Variants in ADGRD1 observed in about 807,000 individuals in gnomAD.
ADGRD1 encodes G-protein coupled receptor 133.
In ADGRD1, 77 loss-of-function variants were observed where a neutral mutation model predicts 113.4. The ratio of observed to expected loss-of-function variants is 0.68; its 90% CI spans 0.57 to 0.82. ADGRD1 has a LOEUF of 0.82. Ranked by LOEUF, ADGRD1 falls within the 40% of genes least tolerant of loss-of-function variation. ADGRD1 has a pLI of 0.00. For synonymous variants in ADGRD1, 474 were observed against 475.0 expected (o/e 1.00, Z 0.03); for missense variants, 1,036 against 1,139.1 (o/e 0.91, Z 1.30).
intron 13 of ADGRD1, among the ~76,000 whole-genome samples, chr12:131,046,062 C>A (rs1317797245): frequency 2.1e-5 from 3 of 145,342 alleles, no homozygotes; most frequent in Non-Finnish European, 4.5e-5. Flanking sequence ...TCTCCCAGGT[C>A]AGTGTCCTTC....
intron 13 of ADGRD1, among the ~76,000 whole-genome samples, chr12:131,063,026 T>G (rs1884458734): frequency 6.6e-6 from 1 of 152,228 alleles, no homozygotes; most frequent in Admixed American, 6.5e-5. Context: ...CATCTGGATA[T>G]TCTCGTCAAT....
At chr12:131,044,669 G>A (rs763693951) in intron 13 of ADGRD1, among the ~76,000 whole-genome samples, 4 of 152,018 alleles carry the variant, frequency 2.6e-5, no homozygotes, top group Admixed American at 1.3e-4. Context: ...TCCCTCCCAC[G>A]GCTGTCCTTC....
chr12:131,076,429 C>G (rs891402636), intron 13 of ADGRD1, among the ~76,000 whole-genome samples: 2 of 152,118 alleles, frequency 1.3e-5, no homozygotes, highest in African/African-American at 4.8e-5. Flanking sequence ...TGAGGAGCTC[C>G]TCCTGCAGAG....
chr12:131,001,862 T>C (rs1876433354), intron 9 of ADGRD1, among the ~76,000 whole-genome samples: 1 of 152,234 alleles, frequency 6.6e-6, no homozygotes, highest in Admixed American at 6.5e-5. Flanking sequence ...GCCCTGATAA[T>C]ATTTGAAAAT....
At chr12:131,039,679 C>T (rs1241492486) in intron 13 of ADGRD1, among the ~76,000 whole-genome samples, 9 of 152,200 alleles carry the variant, frequency 5.9e-5, no homozygotes, top group East Asian at 1.9e-4. Context: ...AACCCTGGGG[C>T]GCCTTGGCTG....
intron 20 of ADGRD1, among the ~76,000 whole-genome samples, chr12:131,124,385 G>A (rs554578656): frequency 1.3e-5 from 2 of 152,338 alleles, no homozygotes; most frequent in East Asian, 3.9e-4. Context: ...GGAGAGGTTT[G>A]GGTTTGGGGA....
intron 6 of ADGRD1, chr12:130,988,477 C>T (rs1220162493): frequency 2.0e-5 from 3 of 152,204 alleles, no homozygotes; most frequent in Admixed American, 1.3e-4. Flanking sequence ...GCCCTCGTTC[C>T]GCTTCTGACG....
Position 131,027,313 on chromosome 12 carries a change from T to C in ADGRD1, c.1473+12973T>C, listed in dbSNP as rs1336801069. 3 of 152,210 alleles carry C rather than the reference T, an allele frequency of 2.0e-5. No homozygotes were observed. Among genetic ancestry groups the C allele is most frequent in the Admixed American group, 6.5e-5 (1 of 15,280 alleles). 9.4% of individuals were successfully genotyped at this position (152,210 alleles called of 1,614,324 possible). ...CGGGGCTTCTCTAGGTGTGTGTGTG[T>C]GTGCACACAATTTTATATAAATGGG... On this transcript the variant is annotated intron_variant, in intron 13 of 24. Transcript: ENST00000261654. The surrounding 1 kb of genome is among the most constrained non-coding windows in gnomAD (Gnocchi z 5.1).
chr12:131,138,531 C>G (rs2136119554), intron 24 of ADGRD1, among the ~76,000 whole-genome samples: 1 of 152,328 alleles, frequency 6.6e-6, no homozygotes, highest in African/African-American at 2.4e-5. Context: ...CCCCGCCGCC[C>G]TCCAGAGCCC....
rs1880048904 is a variant in ADGRD1 at position 131,027,056 on chromosome 12, T to C, written c.1473+12716T>C. 1 of 152,310 alleles carries C rather than the reference T, an allele frequency of 6.6e-6. No individual in the cohort carries two copies. The highest frequency in any genetic ancestry group is 1.5e-5 in the Non-Finnish European group (1 of 68,032). The allele number at this position is 152,310 out of a possible 1,614,324, so 9.4% of individuals were successfully genotyped here. A position where few individuals can be genotyped will look rare whatever the true frequency, so the allele number is the denominator to read the frequency against. On this transcript the variant is annotated intron_variant, in intron 13 of 24. Coordinates refer to ENST00000261654, the MANE Select transcript of ADGRD1 (RefSeq NM_198827.5). The surrounding 1 kb of genome is among the most constrained non-coding windows in gnomAD (Gnocchi z 5.1). ...TAGGGATTGTGGCACACAGCTGTTA[T>C]TTCTCTAGGATTTGCTGTGAATGAG...
At chr12:131,119,142 C>T (rs1027265313) in intron 19 of ADGRD1, among the ~76,000 whole-genome samples, 6 of 152,182 alleles carry the variant, frequency 3.9e-5, no homozygotes, top group African/African-American at 9.7e-5. Flanking sequence ...GTCCTAGCCA[C>T]GCTGAGAAAC....
chr12:130,992,088 T>G, intron 7 of ADGRD1, 149 bp from the exon 8 acceptor site: 1 of 612,838 alleles, frequency 1.6e-6, no homozygotes, highest in South Asian at 2.2e-5. Context: ...GCCACTGCAC[T>G]CCAGCCTGGG....
intron 13 of ADGRD1, among the ~76,000 whole-genome samples, chr12:131,042,060 C>T (rs778689119): frequency 9.9e-5 from 15 of 152,206 alleles, no homozygotes; most frequent in Non-Finnish European, 1.9e-4. Flanking sequence ...GGCCCCTGCA[C>T]GGGGCAGTTG....
In ADGRD1 at chr12:131,084,054, C is replaced by G. The variant is rs371187807; in HGVS notation, c.1548-486C>G. Among the ~76,000 whole-genome samples the G allele has an allele frequency of 9.4e-4, 143 of 152,270 alleles. No homozygotes were observed. Among genetic ancestry groups the G allele is most frequent in the African/African-American group, 3.4e-3 (141 of 41,540 alleles). ...ATTGGTCAAGGATGTTCTTTTTAAC[C>G]GATGCGAGGTCTTTTATCATATTTC... On this transcript the variant is annotated intron_variant, in intron 14 of 24. Coordinates refer to ENST00000261654, the MANE Select transcript of ADGRD1 (RefSeq NM_198827.5). The surrounding 1 kb of genome is among the most constrained non-coding windows in gnomAD (Gnocchi z 4.5).
chr12:131,079,948 T>G (rs1016289534), intron 14 of ADGRD1, among the ~76,000 whole-genome samples: 1 of 152,178 alleles, frequency 6.6e-6, no homozygotes, highest in Non-Finnish European at 1.5e-5. Flanking sequence ...TTTTTCTCTC[T>G]TGTGTTTCTG....
chr12:131,001,912 CATTATT>C (rs1168751858), intron 9 of ADGRD1, among the ~76,000 whole-genome samples: 1 of 152,272 alleles, frequency 6.6e-6, no homozygotes, highest in East Asian at 1.9e-4. Context: ...TTTATTCTCT[CATTATT>C]AATAAGATTG....
rs1232878984 is a variant in ADGRD1, at chr12:131,084,796, G to C, written c.1671+133G>C. 2.1e-6 allele frequency: 2 copies of C among 960,758 alleles called. No individual in the cohort carries two copies. Among genetic ancestry groups the C allele is most frequent in the African/African-American group, 3.3e-5 (2 of 61,396 alleles). The allele number at this position is 960,758 out of a possible 1,614,324, so 59.5% of individuals were successfully genotyped here. ...TTACTCCATGGGGCCTGTGTTTACA[G>C]ACGGAATCCATTCTCTTGGCTTCTG... On this transcript the variant is annotated intron_variant, in intron 15 of 24. Coordinates refer to ENST00000261654, the MANE Select transcript of ADGRD1 (RefSeq NM_198827.5). The surrounding 1 kb of genome is among the most constrained non-coding windows in gnomAD (Gnocchi z 4.5).
At position 130,966,502 on chromosome 12, in the gene ADGRD1, T is replaced by G; in HGVS notation, c.143T>G (p.Leu48Arg). The G allele has an allele frequency of 1.9e-6, 3 of 1,610,840 alleles. No individual in the cohort carries two copies. The highest frequency in any genetic ancestry group is 2.5e-6 in the Non-Finnish European group (3 of 1,177,010). Residue 48 changes from leucine to arginine, a missense_variant, in exon 3 of 25, where the codon CTG becomes CGG. Transcript: ENST00000261654. This position sits in a 1 kb window ranked among gnomAD's most constrained non-coding sequence, Gnocchi z 4.6. ...VLASASHYWPLENVDGIHELQ... is the reference protein window; with the variant it reads ...VLASASHYWPRENVDGIHELQ... ...GCGTCTGCTTCCCATTACTGGCCAC[T>G]GGAGAATGTGGATGGGATCCATGAA...
chr12:131,131,482 T>C (rs1041904798), intron 20 of ADGRD1, among the ~76,000 whole-genome samples: 1 of 152,240 alleles, frequency 6.6e-6, no homozygotes, highest in African/African-American at 2.4e-5. Context: ...GATGTGTTCC[T>C]GGGACTAGAA....
Sources: allele counts gnomAD v4.1 joint callset (sites outside exome capture counted in the v4.1 genomes callset), GRCh38; gene constraint gnomAD v4.1.1; non-coding constraint Gnocchi (gnomAD v3.1); transcripts MANE v1.5; gene names NCBI Gene and HGNC (gene_info 2026-07-23, HGNC 2026-07-21).